SIL1: variants seen among roughly 807,000 people sequenced by gnomAD.
SIL1 encodes the protein nucleotide exchange factor SIL1.
Under a neutral mutation model 49.1 loss-of-function variants are expected in SIL1, and 40 were observed. The ratio of observed to expected loss-of-function variants is 0.81; its 90% CI spans 0.63 to 1.06. The LOEUF is 1.06. Ranked by LOEUF, SIL1 falls within the 50% of genes least tolerant of loss-of-function variation. The pLI, the probability that SIL1 is intolerant of heterozygous loss-of-function variation, is 0.00. For synonymous variants in SIL1, 253 were observed against 250.8 expected, an observed-to-expected ratio of 1.01 and a Z score of -0.08; for missense variants, 500 against 572.6, an observed-to-expected ratio of 0.87 and a Z score of 1.29.
chr5:139,063,927 A>G (rs1769647016), intron 3 of SIL1, among the ~76,000 whole-genome samples: 1 of 152,248 alleles, frequency 6.6e-6, no homozygotes, highest in Non-Finnish European at 1.5e-5. Flanking sequence ...TTTAAAACAG[A>G]GATTGTATTC....
chr5:139,127,314 C>T (rs1750772835), intron 2 of SIL1, among the ~76,000 whole-genome samples: 1 of 152,202 alleles, frequency 6.6e-6, no homozygotes, highest in Non-Finnish European at 1.5e-5. Flanking sequence ...CTGACATTCA[C>T]AGCTCTCACA....
chr5:139,031,642 A>G (rs1366249761), intron 5 of SIL1, among the ~76,000 whole-genome samples: 3 of 152,212 alleles, frequency 2.0e-5, no homozygotes, highest in African/African-American at 7.2e-5. Context: ...CTACAAAAAA[A>G]TCCTGCTGAA....
chr5:139,125,163 A>G (rs1422430272), intron 2 of SIL1, among the ~76,000 whole-genome samples: 1 of 152,232 alleles, frequency 6.6e-6, no homozygotes, highest in African/African-American at 2.4e-5. Flanking sequence ...CAGGAGAGAG[A>G]GAGAGGCAGG....
intron 3 of SIL1, among the ~76,000 whole-genome samples, chr5:139,061,989 A>C (rs1186300273): frequency 6.6e-6 from 1 of 152,216 alleles, no homozygotes; most frequent in Non-Finnish European, 1.5e-5. Flanking sequence ...CAAGCTCCTA[A>C]TAGGGCTGGT....
At chr5:139,074,180 C>T (rs183314421) in intron 3 of SIL1, among the ~76,000 whole-genome samples, 21 of 152,224 alleles carry the variant, frequency 1.4e-4, no homozygotes, top group Non-Finnish European at 2.2e-4. Flanking sequence ...CCCCAGCCTC[C>T]GGAGTAGCTG....
intron 3 of SIL1, among the ~76,000 whole-genome samples, chr5:139,064,713 G>A (rs767902691): frequency 2.0e-5 from 3 of 152,148 alleles, no homozygotes; most frequent in Non-Finnish European, 2.9e-5. Flanking sequence ...TTTAGCACTC[G>A]GATGACCTAG....
rs1487582553 is a variant in SIL1 at position 139,121,018 on chromosome 5, A to G, written c.244+17T>C. Reference sequence around the variant, plus strand: ...AATTCAAAGTGTGTTTTGTGGGGACAGGGCTGGGCCTGATACCTGGCTGAA... The same window carrying G: ...AATTCAAAGTGTGTTTTGTGGGGACGGGGCTGGGCCTGATACCTGGCTGAA... On this transcript the variant is annotated intron_variant, in intron 3 of 9. Transcript: ENST00000394817. The G allele has an allele frequency of 6.8e-6, 11 of 1,613,818 alleles. No individual in the cohort carries two copies. The highest frequency in any genetic ancestry group is 8.5e-6 in the Non-Finnish European group (10 of 1,180,030).
At chr5:139,136,685 G>T (rs1750980529) in intron 1 of SIL1, among the ~76,000 whole-genome samples, 1 of 152,036 alleles carries the variant, frequency 6.6e-6, no homozygotes, top group Non-Finnish European at 1.5e-5. Context: ...GTCCACAGAT[G>T]AAGACATAGA....
chr5:139,188,644 G>A (rs1018352922), intron 1 of SIL1, among the ~76,000 whole-genome samples: 2 of 152,206 alleles, frequency 1.3e-5, no homozygotes, highest in African/African-American at 2.4e-5. Context: ...CTGTGCCTCC[G>A]TGACTTTGCA....
intron 3 of SIL1, among the ~76,000 whole-genome samples, chr5:139,054,697 T>C (rs1329791206): frequency 6.6e-6 from 1 of 152,226 alleles, no homozygotes; most frequent in Non-Finnish European, 1.5e-5. Context: ...GGTTATAGTG[T>C]GCTAAGCTCG....
At chr5:139,007,043 C>T (rs1187330717) in intron 7 of SIL1, among the ~76,000 whole-genome samples, 3 of 123,394 alleles carry the variant, frequency 2.4e-5, no homozygotes, top group African/African-American at 3.5e-5. Flanking sequence ...CTGTAAATTA[C>T]CTTGGGCAGT....
At chr5:138,972,839 G>A (rs1767309974) in intron 7 of SIL1, among the ~76,000 whole-genome samples, 2 of 152,320 alleles carry the variant, frequency 1.3e-5, no homozygotes, top group Admixed American at 6.5e-5. Context: ...GGACTATGTG[G>A]GTAACATGAG....
At chr5:138,960,100 T>G (rs1389064059) in intron 7 of SIL1, among the ~76,000 whole-genome samples, 3 of 152,236 alleles carry the variant, frequency 2.0e-5, no homozygotes, top group African/African-American at 7.2e-5. Context: ...GAATCTGAAT[T>G]ACTTATAAAT....
intron 7 of SIL1, among the ~76,000 whole-genome samples, chr5:139,012,977 A>C (rs765320567): frequency 1.3e-4 from 20 of 152,212 alleles, no homozygotes; most frequent in Admixed American, 3.3e-4. Context: ...AAAAGTACAT[A>C]CATTGTAACT....
chr5:138,961,490 AC>A (rs1767018611), intron 7 of SIL1, among the ~76,000 whole-genome samples: 1 of 152,152 alleles, frequency 6.6e-6, no homozygotes, highest in Admixed American at 6.6e-5. Context: ...CTGCTAAATC[AC>A]CTGATTGAAC....
chr5:138,958,310 C>T (rs940427331), intron 7 of SIL1, among the ~76,000 whole-genome samples: 4 of 152,160 alleles, frequency 2.6e-5, no homozygotes, highest in African/African-American at 9.7e-5. Context: ...AACACAATGC[C>T]GTATCTTTCT....
chr5:139,186,739 T>C lies in SIL1; in HGVS notation c.-11+11530A>G, dbSNP rs79443448. 1.7e-3 allele frequency among the ~76,000 whole-genome samples: 263 copies of C among 152,330 alleles called. 1 individual carries two copies. The highest frequency in any genetic ancestry group is 6.1e-3 in the African/African-American group (253 of 41,572). On this transcript the variant is annotated intron_variant, in intron 1 of 9. Transcript: ENST00000394817. ...TGACCAAATAGCAGGACTCTTGAAT[T>C]CATAAACATTTATTGAACACTCTCT... is the stretch of plus-strand genomic sequence containing the variant.
intron 1 of SIL1, among the ~76,000 whole-genome samples, chr5:139,189,820 C>A (rs1752136333): frequency 6.6e-6 from 1 of 152,078 alleles, no homozygotes; most frequent in Admixed American, 6.6e-5. Flanking sequence ...GACTCTGTCT[C>A]AAAAATAATA....
At chr5:139,028,471 C>T (rs1480604097) in intron 5 of SIL1, among the ~76,000 whole-genome samples, 1 of 152,062 alleles carries the variant, frequency 6.6e-6, no homozygotes, top group Non-Finnish European at 1.5e-5. Context: ...GCACTCCAGC[C>T]TAAGCGACAG....
Sources: gnomAD v4.1 joint callset for allele counts (sites outside exome capture counted in the v4.1 genomes callset) on GRCh38, gnomAD v4.1.1 for gene constraint, MANE v1.5 for transcripts, NCBI Gene and HGNC (gene_info 2026-07-23, HGNC 2026-07-21) for gene names.